PDCD6IP: variants seen among roughly 807,000 people sequenced by gnomAD.
PDCD6IP encodes programmed cell death 6-interacting protein.
A neutral mutation model predicts 103.7 loss-of-function variants in PDCD6IP; 43 were observed. The ratio of observed to expected loss-of-function variants is 0.41; its 90% confidence interval spans 0.32 to 0.53. The LOEUF (loss-of-function observed/expected upper bound fraction) is 0.53, where lower values mean the gene tolerates loss of function less well. PDCD6IP is among the 20% of genes least tolerant of loss of function. The pLI is 0.16. For synonymous variants in PDCD6IP, 354 were observed against 378.7 expected (o/e 0.93, Z 0.76); for missense variants, 871 against 1,036.7 (o/e 0.84, Z 2.20).
rs148604713 is a variant in PDCD6IP at position 33,861,437 on chromosome 3, G to A, written c.2121-2569G>A. Among the ~76,000 whole-genome samples the A allele has an allele frequency of 5.4e-3, 829 of 152,180 alleles. 2 individuals carry two copies. The highest frequency in any genetic ancestry group is 0.01 in the Middle Eastern group (3 of 294). On this transcript the variant is annotated intron_variant, in intron 15 of 17. Coordinates refer to ENST00000307296, the MANE Select transcript of PDCD6IP (RefSeq NM_013374.6). Reference sequence around the variant, plus strand: ...ATTACAGGCGTGAGCCACCGAGCCCGGCTTAATATGTATTTTATACTTACA... The same window carrying A: ...ATTACAGGCGTGAGCCACCGAGCCCAGCTTAATATGTATTTTATACTTACA...
chr3:33,857,199 T>G (rs75364547), intron 15 of PDCD6IP, among the ~76,000 whole-genome samples: 10 of 152,172 alleles, frequency 6.6e-5, no homozygotes, highest in Non-Finnish European at 1.2e-4. Flanking sequence ...GATTTTTTTT[T>G]AGATGGAGTT....
chr3:33,847,394 A>G (rs1248334324), intron 12 of PDCD6IP, among the ~76,000 whole-genome samples: 1 of 152,220 alleles, frequency 6.6e-6, no homozygotes, highest in African/African-American at 2.4e-5. Flanking sequence ...ATTTTATGGA[A>G]GCTAGATTTT....
chr3:33,861,247 C>T (rs908346812), intron 15 of PDCD6IP, among the ~76,000 whole-genome samples: 1 of 151,718 alleles, frequency 6.6e-6, no homozygotes, highest in Non-Finnish European at 1.5e-5. Flanking sequence ...TGGGTTCAAG[C>T]AATTCTCTGC....
intron 15 of PDCD6IP, among the ~76,000 whole-genome samples, chr3:33,858,593 G>A (rs1180142138): frequency 2.0e-5 from 3 of 152,050 alleles, no homozygotes; most frequent in Non-Finnish European, 4.4e-5. Flanking sequence ...GGCGGATCAC[G>A]AGGTCAGGAG....
intron 12 of PDCD6IP, 53 bp from the exon 13 acceptor site, chr3:33,852,435 G>A (rs1471421455): frequency 2.7e-6 from 3 of 1,102,358 alleles, no homozygotes; most frequent in Non-Finnish European, 3.7e-6. Flanking sequence ...TCTCGAAATT[G>A]GCTTTTTTTT....
chr3:33,825,986 A>G (rs1697114667), intron 5 of PDCD6IP, among the ~76,000 whole-genome samples: 1 of 152,182 alleles, frequency 6.6e-6, no homozygotes, highest in East Asian at 1.9e-4. Context: ...AGGGAATAAG[A>G]ATAATTCTTA....
intron 12 of PDCD6IP, among the ~76,000 whole-genome samples, 171 bp downstream of exon 12, chr3:33,845,759 A>G (rs1462368764): frequency 6.6e-6 from 1 of 152,244 alleles, no homozygotes; most frequent in Non-Finnish European, 1.5e-5. Flanking sequence ...TAATTATACT[A>G]ATATTAACTG....
At position 33,828,916 on chromosome 3, in the gene PDCD6IP, T is replaced by G; in HGVS notation, c.781T>G (p.Ser261Ala). Residue 261 changes from serine (S) to alanine (A), a missense_variant, in exon 7 of 18, where the codon TCT becomes GCT. Coordinates refer to ENST00000307296, the MANE Select transcript of PDCD6IP (RefSeq NM_013374.6). ...IMQANAEYHQ[S>A]ILAKQQKKFG... ...GCAGGCCAATGCTGAGTACCATCAG[T>G]CTATCCTGGCAAAACAGCAGAAGAA... is the stretch of plus-strand genomic sequence containing the variant. 6.2e-7 allele frequency: 1 copy of G among 1,611,186 alleles called. No homozygotes were observed. Among genetic ancestry groups the G allele is most frequent in the Non-Finnish European group, 8.5e-7 (1 of 1,178,312 alleles).
rs187674472 is a variant in PDCD6IP at position 33,805,495 on chromosome 3, C to A, written c.209+6558C>A. Among the ~76,000 whole-genome samples, 7 of 151,972 alleles carry A rather than the reference C, an allele frequency of 4.6e-5. No homozygotes were observed. The South Asian group carries it at 8.3e-4, about 18-fold the overall frequency. ...AGCTGCCCAGGCTGGAGTACAGTGG[C>A]GCCACAATAGCCTACTGCAGCCTCG... On this transcript the variant is annotated intron_variant, in intron 1 of 17. Coordinates refer to ENST00000307296, the MANE Select transcript of PDCD6IP (RefSeq NM_013374.6).
At chr3:33,813,930 G>A (rs1696773250) in intron 3 of PDCD6IP, among the ~76,000 whole-genome samples, 1 of 152,152 alleles carries the variant, frequency 6.6e-6, no homozygotes, top group African/African-American at 2.4e-5. Flanking sequence ...AAGCATATAT[G>A]AGGAAGAAAG....
rs1696794266 is a variant in PDCD6IP at position 33,814,592 on chromosome 3, A to G, written c.334+964A>G. ...TATATGTATATTTCATGTATATTATATGTATATATGTATTATATATGCACA... is the reference window on the plus strand; with the variant it reads ...TATATGTATATTTCATGTATATTATGTGTATATATGTATTATATATGCACA... On this transcript the variant is annotated intron_variant, in intron 3 of 17. Coordinates refer to ENST00000307296, the MANE Select transcript of PDCD6IP (RefSeq NM_013374.6). 4.4e-5 allele frequency among the ~76,000 whole-genome samples: 5 copies of G among 112,366 alleles called. 1 individual carries two copies. Among genetic ancestry groups the G allele is most frequent in the Non-Finnish European group, 9.2e-5 (5 of 54,454 alleles). 73.7% of individuals were successfully genotyped at this position (112,366 alleles called of 152,430 possible).
In PDCD6IP at chr3:33,798,869, C is replaced by T. The variant is rs1031966629; in HGVS notation, c.141C>T (p.Ser47=). 4.5e-6 allele frequency: 7 copies of T among 1,550,120 alleles called. No individual in the cohort carries two copies. Among genetic ancestry groups the T allele is most frequent in the African/African-American group, 2.7e-5 (2 of 73,018 alleles). Residue 47 remains serine (S), a synonymous_variant, in exon 1 of 18, where the codon AGC becomes AGT. Coordinates refer to ENST00000307296, the MANE Select transcript of PDCD6IP (RefSeq NM_013374.6). ...AQYCRAAEEL[S]KLRRAAVGRP... ...ACTGCCGCGCGGCGGAGGAGCTCAG[C>T]AAGCTGCGCCGCGCCGCAGTCGGTC...
In PDCD6IP at chr3:33,859,153, C is replaced by T. The variant is rs1321469749; in HGVS notation, c.2120+3893C>T. On this transcript the variant is annotated intron_variant, in intron 15 of 17. Transcript: ENST00000307296. Reference sequence around the variant, plus strand: ...ACGTGAATTTAGTGTAAAAGATCTTCAGCCAACCAGAAGAGGTGGACAACT... The same window carrying T: ...ACGTGAATTTAGTGTAAAAGATCTTTAGCCAACCAGAAGAGGTGGACAACT... Among the ~76,000 whole-genome samples the T allele has an allele frequency of 6.6e-5, 10 of 152,230 alleles. 1 individual carries two copies. Among genetic ancestry groups the T allele is most frequent in the South Asian group, 4.1e-4 (2 of 4,828 alleles).
chr3:33,835,480 G>C (rs548490767), intron 7 of PDCD6IP, among the ~76,000 whole-genome samples: 1 of 152,348 alleles, frequency 6.6e-6, no homozygotes, highest in South Asian at 2.1e-4. Flanking sequence ...ACTTTGGGAA[G>C]CTGAGTTGGG....
intron 3 of PDCD6IP, among the ~76,000 whole-genome samples, chr3:33,815,960 T>C (rs1269176209): frequency 3.3e-5 from 5 of 151,898 alleles, no homozygotes; most frequent in South Asian, 2.1e-4. Context: ...TCAGGGGAAA[T>C]AGAGGAAGAG....
At chr3:33,837,544 T>G (rs1280890499) in intron 8 of PDCD6IP, among the ~76,000 whole-genome samples, 1 of 151,996 alleles carries the variant, frequency 6.6e-6, no homozygotes. Flanking sequence ...AGCTAGGAAG[T>G]GTTGGAGCCA....
At chr3:33,855,707 G>A (rs962390363) in intron 15 of PDCD6IP, among the ~76,000 whole-genome samples, 5 of 152,178 alleles carry the variant, frequency 3.3e-5, no homozygotes, top group Non-Finnish European at 7.3e-5. Flanking sequence ...TTCCTGCTGA[G>A]TAATCAATAC....
In PDCD6IP at chr3:33,866,615, A is replaced by G. The variant is rs1413221802; in HGVS notation, c.*90A>G. On this transcript the variant is annotated 3_prime_UTR_variant, in exon 18 of 18. Coordinates refer to ENST00000307296, the MANE Select transcript of PDCD6IP (RefSeq NM_013374.6). ...TGTACTAAACTCTACGCTCTGGTTA[A>G]TGTAATGTACTCTCCTGGACTGAAT... 1.6e-5 allele frequency: 17 copies of G among 1,092,196 alleles called. No individual in the cohort carries two copies. Among genetic ancestry groups the G allele is most frequent in the Non-Finnish European group, 2.2e-5 (17 of 762,462 alleles). 67.7% of individuals were successfully genotyped at this position (1,092,196 alleles called of 1,614,324 possible).
intron 3 of PDCD6IP, among the ~76,000 whole-genome samples, chr3:33,820,381 A>G (rs1696963020): frequency 6.6e-6 from 1 of 152,188 alleles, no homozygotes; most frequent in Non-Finnish European, 1.5e-5. Context: ...TAGGTACCTC[A>G]TACAAGTAGA....
Sources: gnomAD v4.1 joint callset for allele counts (sites outside exome capture counted in the v4.1 genomes callset) on GRCh38, gnomAD v4.1.1 for gene constraint, MANE v1.5 for transcripts, NCBI Gene and HGNC (gene_info 2026-07-23, HGNC 2026-07-21) for gene names.